The following TTC7B variants were observed in gnomAD, a reference collection of about 807,000 sequenced individuals.
TTC7B encodes the protein tetratricopeptide repeat domain 7B, also known as tetratricopeptide repeat protein 7B.
TTC7B carries 28 observed loss-of-function variants against 106.8 expected under a neutral mutation model. That is an observed-to-expected ratio of 0.26 (90% confidence interval 0.19 to 0.36). TTC7B has a LOEUF of 0.36. Ranked by LOEUF, TTC7B falls within the 10% of genes least tolerant of loss-of-function variation. The pLI is 1.00. For synonymous variants in TTC7B, 405 were observed against 430.6 expected (o/e 0.94, Z 0.74); for missense variants, 862 against 1,076.4 (o/e 0.80, Z 2.79).
chr14:90,541,170 G>A lies in TTC7B; in HGVS notation c.*198C>T. 2.0e-6 allele frequency: 1 copy of A among 489,726 alleles called. No individual in the cohort carries two copies. 30.3% of individuals were successfully genotyped at this position (489,726 alleles called of 1,614,324 possible). On this transcript the variant is annotated 3_prime_UTR_variant, in exon 20 of 20. Coordinates refer to ENST00000328459, the MANE Select transcript of TTC7B (RefSeq NM_001010854.2). The stretch of plus-strand genomic sequence containing the variant: ...CAATAGGTTCAGAAACTACCATTGG[G>A]CTGGCAAAAAAAACAAGAGAAACGC...
chr14:90,584,684 G>A (rs1469141881), intron 18 of TTC7B, among the ~76,000 whole-genome samples: 2 of 151,494 alleles, frequency 1.3e-5, no homozygotes, highest in South Asian at 2.1e-4. Flanking sequence ...GAAACGTGAC[G>A]GAAAGGACGC....
At chr14:90,594,119 G>A (rs1892104576) in intron 17 of TTC7B, among the ~76,000 whole-genome samples, 1 of 152,166 alleles carries the variant, frequency 6.6e-6, no homozygotes, top group African/African-American at 2.4e-5. Context: ...TGGCCTTGGA[G>A]AGGTGGACTA....
At chr14:90,660,828 C>T (rs1182387289) in intron 9 of TTC7B, among the ~76,000 whole-genome samples, 1 of 152,220 alleles carries the variant, frequency 6.6e-6, no homozygotes, top group East Asian at 1.9e-4. Flanking sequence ...AAAACATATT[C>T]TATTTAAAAG....
chr14:90,556,188 G>T (rs898127579), intron 19 of TTC7B, among the ~76,000 whole-genome samples: 1 of 152,364 alleles, frequency 6.6e-6, no homozygotes, highest in Non-Finnish European at 1.5e-5. Flanking sequence ...GGCCCCGTGG[G>T]GGCGGAGAGG....
At chr14:90,621,804 C>T (rs751820165) in intron 15 of TTC7B, among the ~76,000 whole-genome samples, 2 of 152,210 alleles carry the variant, frequency 1.3e-5, no homozygotes, top group Admixed American at 1.3e-4. Flanking sequence ...AGCAGTGATG[C>T]TCGTCATCCT....
intron 7 of TTC7B, among the ~76,000 whole-genome samples, chr14:90,688,621 CAAAAAAAAAAAAAAAAAAAAAA>C (rs57020065): frequency 0.048 from 2,601 of 54,496 alleles, 71 homozygotes; most frequent in Non-Finnish European, 0.062. Context: ...GGCTCTGTCT[CAAAAAAAAAAAAAAAAAAAAAA>C]AAAAAAAAAA....
intron 2 of TTC7B, among the ~76,000 whole-genome samples, chr14:90,785,591 G>A (rs1180099970): frequency 1.3e-5 from 2 of 152,190 alleles, no homozygotes; most frequent in African/African-American, 4.8e-5. Flanking sequence ...AAAGCCACGT[G>A]AGAGGGAATG....
At chr14:90,601,537 A>G (rs1173778094) in intron 17 of TTC7B, among the ~76,000 whole-genome samples, 1 of 152,250 alleles carries the variant, frequency 6.6e-6, no homozygotes, top group African/African-American at 2.4e-5. Context: ...CAGTGATAGG[A>G]AAAATGGAGC....
intron 19 of TTC7B, among the ~76,000 whole-genome samples, chr14:90,552,736 G>A (rs142821942): frequency 2.0e-5 from 3 of 152,362 alleles, no homozygotes; most frequent in Non-Finnish European, 4.4e-5. Flanking sequence ...AAGGAGGAGA[G>A]CTCCAGAAGA....
rs116448854 is a variant in TTC7B, at chr14:90,778,813, T to G, written c.445+1925A>C. Among the ~76,000 whole-genome samples the G allele has an allele frequency of 4.2e-3, 645 of 152,308 alleles. 3 individuals are homozygous for G. The highest frequency in any genetic ancestry group is 0.015 in the African/African-American group (622 of 41,574). The stretch of plus-strand genomic sequence containing the variant: ...AGCAAGGGCATTTTTTCCTAGCCCA[T>G]GGGGACGTTTAGAAGATTAATTAGA... On this transcript the variant is annotated intron_variant, in intron 3 of 19. Transcript: ENST00000328459.
chr14:90,653,168 G>A (rs980385560), intron 12 of TTC7B, among the ~76,000 whole-genome samples: 2 of 152,212 alleles, frequency 1.3e-5, no homozygotes, highest in Non-Finnish European at 1.5e-5. Flanking sequence ...CCAGGCATAT[G>A]GGGGCCATTT....
At chr14:90,689,368 T>C (rs956018617) in intron 7 of TTC7B, among the ~76,000 whole-genome samples, 172 bp downstream of exon 7, 2 of 152,246 alleles carry the variant, frequency 1.3e-5, no homozygotes, top group Non-Finnish European at 2.9e-5. Flanking sequence ...CACAGATATT[T>C]GCTGAAGTTA....
intron 7 of TTC7B, among the ~76,000 whole-genome samples, chr14:90,686,569 A>G (rs1402714866): frequency 6.6e-6 from 1 of 152,220 alleles, no homozygotes; most frequent in African/African-American, 2.4e-5. Context: ...CACAATCTTG[A>G]TATAGAAAAT....
At chr14:90,574,458 A>G (rs561367956) in intron 19 of TTC7B, among the ~76,000 whole-genome samples, 1 of 152,216 alleles carries the variant, frequency 6.6e-6, no homozygotes, top group South Asian at 2.1e-4. Context: ...TAAACACATG[A>G]TTTCTCTGCT....
intron 17 of TTC7B, chr14:90,593,847 C>G (rs1892088003): frequency 4.8e-6 from 2 of 417,838 alleles, no homozygotes; most frequent in Non-Finnish European, 8.4e-6. Context: ...AGCACATGCC[C>G]CCTCCAGGAG....
chr14:90,615,657 T>A (rs1893040320), intron 16 of TTC7B, among the ~76,000 whole-genome samples: 1 of 152,180 alleles, frequency 6.6e-6, no homozygotes, highest in African/African-American at 2.4e-5. Flanking sequence ...AGCCCTTCCT[T>A]CAGGCTTTAT....
intron 8 of TTC7B, among the ~76,000 whole-genome samples, chr14:90,680,240 T>C (rs1374040349): frequency 1.3e-5 from 2 of 152,204 alleles, no homozygotes; most frequent in Non-Finnish European, 2.9e-5. Context: ...TGCTTCAAGA[T>C]AGAAGATAGA....
chr14:90,647,151 T>C, intron 13 of TTC7B, 128 bp from the exon 14 acceptor site: 1 of 733,700 alleles, frequency 1.4e-6, no homozygotes, highest in Non-Finnish European at 2.4e-6. Context: ...ATGTAATGCT[T>C]CATTTAAACT....
chr14:90,605,655 C>T, intron 17 of TTC7B: 1 of 1,289,020 alleles, frequency 7.8e-7, no homozygotes, highest in Non-Finnish European at 1.0e-6. Context: ...CAGGGGGCCA[C>T]ACAAAGGTAT....
Sources: allele counts gnomAD v4.1 joint callset (sites outside exome capture counted in the v4.1 genomes callset), GRCh38; gene constraint gnomAD v4.1.1; transcripts MANE v1.5; gene names NCBI Gene and HGNC (gene_info 2026-07-23, HGNC 2026-07-21).